The following CNRIP1 variants were observed in gnomAD, a reference collection of about 807,000 sequenced individuals.
The protein encoded by CNRIP1 is cannabinoid receptor interacting protein 1, also known as CB1 cannabinoid receptor-interacting protein 1.
Under a neutral mutation model 15.2 loss-of-function variants are expected in CNRIP1, and 10 were observed. The observed-to-expected ratio is 0.66, with a 90% CI of 0.41 to 1.12. The LOEUF (loss-of-function observed/expected upper bound fraction) is 1.12, where lower values mean the gene tolerates loss of function less well. CNRIP1 is among the 50% of genes most tolerant of loss of function. The probability of loss-of-function intolerance (pLI) is 0.00; values close to 1 mark genes in which losing one functional copy is unlikely to be tolerated. For synonymous variants in CNRIP1, 91 were observed against 83.2 expected, an observed-to-expected ratio of 1.09 and a Z score of -0.51; for missense variants, 211 against 214.7, an observed-to-expected ratio of 0.98 and a Z score of 0.11.
intron 2 of CNRIP1, among the ~76,000 whole-genome samples, chr2:68,306,150 A>AAAAAAAAAAAAAAAAAAAAAAAAAAAG: frequency 6.8e-6 from 1 of 146,480 alleles, no homozygotes; most frequent in Non-Finnish European, 1.5e-5. Context: ...AAAAAAAAAA[A>AAAAAAAAAAAAAAAAAAAAAAAAAAAG]ATTAGCTGGG....
At chr2:68,300,220 C>G (rs868046564) in intron 2 of CNRIP1, among the ~76,000 whole-genome samples, 1 of 152,186 alleles carries the variant, frequency 6.6e-6, no homozygotes, top group African/African-American at 2.4e-5. Context: ...TATATTCTCA[C>G]CAGCAATGAG....
chr2:68,302,101 C>G (rs1269839284), intron 2 of CNRIP1, among the ~76,000 whole-genome samples: 1 of 151,978 alleles, frequency 6.6e-6, no homozygotes, highest in East Asian at 1.9e-4. Flanking sequence ...TGAGATAAAA[C>G]CATTTTTCAT....
intron 2 of CNRIP1, among the ~76,000 whole-genome samples, chr2:68,309,001 C>G (rs947777596): frequency 1.3e-5 from 2 of 152,056 alleles, no homozygotes; most frequent in Admixed American, 6.6e-5. Context: ...AGTTAAAAAG[C>G]CTTTCTAGCT....
chr2:68,295,555 T>G (rs937662645), intron 2 of CNRIP1, among the ~76,000 whole-genome samples: 5 of 152,206 alleles, frequency 3.3e-5, no homozygotes, highest in Admixed American at 3.3e-4. Flanking sequence ...TAAAATGGCC[T>G]TTTGCTGAAC....
rs1052123766 is a variant in CNRIP1 at position 68,293,039 on chromosome 2, C to G, written c.*823G>C. Reference sequence around the variant, plus strand: ...TTTCAACGCCTTTATTAAGAAATATCAAAAGTTGATTACAGGTCCATATGC... The same window carrying G: ...TTTCAACGCCTTTATTAAGAAATATGAAAAGTTGATTACAGGTCCATATGC... On this transcript the variant is annotated 3_prime_UTR_variant, in exon 3 of 3. Transcript: ENST00000263655. 25 of 985,240 alleles carry G rather than the reference C, an allele frequency of 2.5e-5. No individual in the cohort carries two copies. Among genetic ancestry groups the G allele is most frequent in the Non-Finnish European group, 2.9e-5 (24 of 829,930 alleles). The allele number at this position is 985,240 out of a possible 1,614,324, so 61.0% of individuals were successfully genotyped here.
intron 1 of CNRIP1, among the ~76,000 whole-genome samples, chr2:68,318,555 C>T (rs753887923): frequency 9.2e-5 from 14 of 152,290 alleles, no homozygotes; most frequent in Non-Finnish European, 1.8e-4. Context: ...TGTTGCTAAT[C>T]CCAGGCACCA....
chr2:68,317,103 T>C (rs1484763399), intron 2 of CNRIP1, 54 bp downstream of exon 2: 10 of 1,604,064 alleles, frequency 6.2e-6, no homozygotes, highest in South Asian at 2.2e-5. Flanking sequence ...TTTTCTTTTC[T>C]GTGGTTTCCA....
At chr2:68,286,814 C>T (rs1458485483) in intron 2 of CNRIP1, among the ~76,000 whole-genome samples, 1 of 152,178 alleles carries the variant, frequency 6.6e-6, no homozygotes, top group Admixed American at 6.5e-5. Context: ...CTCCTCTGCT[C>T]ACAATAGCTA....
At chr2:68,311,779 G>GAAAAAA (rs59421926) in intron 2 of CNRIP1, among the ~76,000 whole-genome samples, 39 of 90,174 alleles carry the variant, frequency 4.3e-4, no homozygotes, top group African/African-American at 8.5e-4. Flanking sequence ...CATCTCCGGG[G>GAAAAAA]AAAAAAAAAA....
intron 2 of CNRIP1, among the ~76,000 whole-genome samples, chr2:68,296,833 G>C (rs1330005160): frequency 6.6e-6 from 1 of 152,072 alleles, no homozygotes; most frequent in African/African-American, 2.4e-5. Context: ...TAGAGACGGG[G>C]TTTCACCATG....
chr2:68,303,074 C>T (rs190761603), intron 2 of CNRIP1, among the ~76,000 whole-genome samples: 45 of 148,470 alleles, frequency 3.0e-4, no homozygotes, highest in Middle Eastern at 3.5e-3. Context: ...GTCTCGATCT[C>T]CTGACTTCGT....
In CNRIP1 at chr2:68,319,392, G is replaced by C. The variant is rs930293808; in HGVS notation, c.9C>G (p.Asp3Glu). Reference sequence around the variant, plus strand: ...TGGAGAGGCGCACGAGGCCCGGCAGGTCCCCCATGTCTGGGCGAGGGTCTG... The same window carrying C: ...TGGAGAGGCGCACGAGGCCCGGCAGCTCCCCCATGTCTGGGCGAGGGTCTG... MG[D>E]LPGLVRLSIA... Residue 3 changes from aspartate to glutamate, a missense_variant, in exon 1 of 3, where the codon GAC becomes GAG. Physicochemically the swap from Asp to Glu is conservative, Grantham distance 45 (BLOSUM62 2). Coordinates refer to ENST00000263655, the MANE Select transcript of CNRIP1 (RefSeq NM_015463.3). 2 of 1,570,462 alleles carry C rather than the reference G, an allele frequency of 1.3e-6. No individual in the cohort carries two copies. Among genetic ancestry groups the C allele is most frequent in the African/African-American group, 2.7e-5 (2 of 73,808 alleles).
At position 68,319,731 on chromosome 2, in the gene CNRIP1, C is replaced by G; in HGVS notation, c.-331G>C. On this transcript the variant is annotated 5_prime_UTR_variant, in exon 1 of 3. Coordinates refer to ENST00000263655, the MANE Select transcript of CNRIP1 (RefSeq NM_015463.3). ...CTGGCCCGCAGGCCGCCGCGCAGAT[C>G]CGCGCAGCTGGGGGCGAGGGAGTTA... is the stretch of plus-strand genomic sequence containing the variant. 1 of 296,284 alleles carries G rather than the reference C, an allele frequency of 3.4e-6. No individual in the cohort carries two copies. The highest frequency in any genetic ancestry group is 6.4e-6 in the Non-Finnish European group (1 of 156,986). The allele number at this position is 296,284 out of a possible 1,614,324, so 18.4% of individuals were successfully genotyped here.
At chr2:68,295,227 G>C (rs1299744272) in intron 2 of CNRIP1, among the ~76,000 whole-genome samples, 2 of 152,174 alleles carry the variant, frequency 1.3e-5, no homozygotes, top group African/African-American at 2.4e-5. Context: ...GCTGATACAG[G>C]AGGAGGGTGA....
At chr2:68,296,371 T>C (rs894296303) in intron 2 of CNRIP1, among the ~76,000 whole-genome samples, 1 of 151,950 alleles carries the variant, frequency 6.6e-6, no homozygotes. Context: ...CTGGGCAACA[T>C]AGTGAGACCC....
chr2:68,291,294 CT>C (rs113940917), downstream of CNRIP1, among the ~76,000 whole-genome samples: 27 of 149,052 alleles, frequency 1.8e-4, no homozygotes, highest in South Asian at 2.1e-4. Context: ...ACACTTTCCC[CT>C]TTTTTTTTTA....
chr2:68,306,670 A>G (rs142579532), intron 2 of CNRIP1, among the ~76,000 whole-genome samples: 16 of 151,798 alleles, frequency 1.1e-4, no homozygotes, highest in Middle Eastern at 3.4e-3. Flanking sequence ...AATCCCAGCT[A>G]CTCGGGAGGC....
In CNRIP1 at chr2:68,307,857, A is replaced by T. The variant is rs112512054; in HGVS notation, c.330+9300T>A. 2.0e-3 allele frequency among the ~76,000 whole-genome samples: 302 copies of T among 152,156 alleles called. 3 individuals carry two copies. The highest frequency in any genetic ancestry group is 7.0e-3 in the African/African-American group (288 of 41,412). On this transcript the variant is annotated intron_variant, in intron 2 of 2. Coordinates refer to ENST00000263655, the MANE Select transcript of CNRIP1 (RefSeq NM_015463.3). ...TTTGCTCCTTTTAAAGTATACAAAC[A>T]ATCTTACAATGTTAACAGCAAAGAA...
chr2:68,299,766 A>G (rs1398382480), intron 2 of CNRIP1, among the ~76,000 whole-genome samples: 1 of 152,242 alleles, frequency 6.6e-6, no homozygotes, highest in Non-Finnish European at 1.5e-5. Context: ...GAGGAGACTC[A>G]TCTCTTGTCC....
Sources: allele counts gnomAD v4.1 joint callset (sites outside exome capture counted in the v4.1 genomes callset), GRCh38; gene constraint gnomAD v4.1.1; transcripts MANE v1.5; gene names NCBI Gene and HGNC (gene_info 2026-07-23, HGNC 2026-07-21).